The following CNBD2 variants were observed in gnomAD, a reference collection of about 807,000 sequenced individuals.
CNBD2 encodes the protein cyclic nucleotide binding domain containing 2.
CNBD2 carries 64 observed loss-of-function variants against 63.7 expected under a neutral mutation model. The observed-to-expected ratio is 1.00, with a 90% CI of 0.82 to 1.24. The LOEUF (loss-of-function observed/expected upper bound fraction) is 1.24. CNBD2 is among the 50% of genes most tolerant of loss of function. The pLI is 0.00. For missense variants in CNBD2, 691 were observed against 713.5 expected (o/e 0.97, Z 0.36); for synonymous variants, 229 against 255.4 (o/e 0.90, Z 0.99).
chr20:35,981,447 T>A (rs186500579), intron 4 of CNBD2, among the ~76,000 whole-genome samples: 1 of 152,238 alleles, frequency 6.6e-6, no homozygotes, highest in East Asian at 1.9e-4. Context: ...TTATTATTAT[T>A]ATTTTTTGAG....
At chr20:35,990,913 T>C (rs2056737976) in intron 7 of CNBD2, among the ~76,000 whole-genome samples, 1 of 152,206 alleles carries the variant, frequency 6.6e-6, no homozygotes, top group Non-Finnish European at 1.5e-5. Flanking sequence ...ATCATGCCAC[T>C]GCTCTCCAGC....
At chr20:35,962,893 T>G (rs2056319244) in intron 2 of CNBD2, among the ~76,000 whole-genome samples, 1 of 152,210 alleles carries the variant, frequency 6.6e-6, no homozygotes, top group African/African-American at 2.4e-5. Context: ...TTACAATAAT[T>G]TGGTAGTTTT....
upstream of CNBD2, chr20:35,968,582 T>C (rs2056367392): frequency 7.6e-6 from 4 of 528,128 alleles, no homozygotes; most frequent in Non-Finnish European, 1.0e-5. Context: ...CTGAGAATGA[T>C]TTTTCTCAGA....
At chr20:35,996,358 G>A (rs540886406) in intron 8 of CNBD2, among the ~76,000 whole-genome samples, 1 of 151,772 alleles carries the variant, frequency 6.6e-6, no homozygotes, top group South Asian at 2.1e-4. Flanking sequence ...ATCCTAGGCT[G>A]TGAATGTATG....
upstream of CNBD2, among the ~76,000 whole-genome samples, chr20:35,964,924 A>G (rs2056334049): frequency 6.6e-6 from 1 of 151,772 alleles, no homozygotes; most frequent in African/African-American, 2.4e-5. Flanking sequence ...GATGATCTCA[A>G]TCTCTTGACC....
At chr20:35,970,846 G>C (rs2056403420) in intron 1 of CNBD2, among the ~76,000 whole-genome samples, 2 of 152,240 alleles carry the variant, frequency 1.3e-5, no homozygotes, top group South Asian at 4.1e-4. Flanking sequence ...CTCCCGAGTA[G>C]CTGGGACTAC....
chr20:35,982,736 T>C (rs2056613926), intron 4 of CNBD2, among the ~76,000 whole-genome samples: 1 of 152,120 alleles, frequency 6.6e-6, no homozygotes, highest in Non-Finnish European at 1.5e-5. Flanking sequence ...AATTTTTTTT[T>C]TTTTGAGACA....
chr20:36,020,306 C>T (rs573971934), intron 10 of CNBD2, among the ~76,000 whole-genome samples: 3 of 152,116 alleles, frequency 2.0e-5, no homozygotes, highest in Non-Finnish European at 4.4e-5. Flanking sequence ...TGGTCTCGAT[C>T]TCCTGACCTC....
chr20:36,011,066 G>A, intron 9 of CNBD2, 71 bp from the exon 10 acceptor site: 5 of 1,372,370 alleles, frequency 3.6e-6, no homozygotes, highest in Non-Finnish European at 3.8e-6. Flanking sequence ...GAAGAGTGAG[G>A]GCTGATTAGC....
chr20:36,030,445 C>T lies in CNBD2; in HGVS notation c.1528C>T (p.Gln510Ter), dbSNP rs776019136. The change falls in exon 12 of 12, where the codon CAA becomes TAA. Residue 510 changes from glutamine (Q) to a stop codon, truncating the protein, a stop_gained. Transcript: ENST00000373973. LOFTEE classifies it low-confidence loss of function (END_TRUNC). ...GTTGCAGCTGCTCGTGGAGCCTTGC[C>T]AAAGTCAACTGTTCACTCCAAACCG... ...DLLQLLVEPC[Q>*]SQLFTPNRPK... is the part of the protein sequence containing the mutation. The T allele has an allele frequency of 1.9e-6, 3 of 1,614,078 alleles. No homozygotes were observed. Among genetic ancestry groups the T allele is most frequent in the Non-Finnish European group, 2.5e-6 (3 of 1,180,028 alleles).
chr20:35,972,464 A>G (rs2147201911), intron 1 of CNBD2, among the ~76,000 whole-genome samples, 165 bp from the exon 2 acceptor site: 1 of 152,326 alleles, frequency 6.6e-6, no homozygotes, highest in East Asian at 1.9e-4. Context: ...ACTTAATTTC[A>G]GCAGGCTTGC....
Position 36,030,506 on chromosome 20 carries a change from T to TG in CNBD2, c.1591dup (p.Val531GlyfsTer12). On this transcript the variant is annotated frameshift_variant, in exon 12 of 12. Transcript: ENST00000373973. LOFTEE classifies it low-confidence loss of function (END_TRUNC). ...AGAGAGATCTACAACCCTAAGTCTG[T>TG]GGTCCTGGATTTGTGCAGCATCAAC... The TG allele has an allele frequency of 1.9e-6, 3 of 1,614,154 alleles. No homozygotes were observed. Among genetic ancestry groups the TG allele is most frequent in the South Asian group, 2.2e-5 (2 of 91,076 alleles).
At chr20:35,961,851 G>A (rs1057311498) in intron 2 of CNBD2, among the ~76,000 whole-genome samples, 2 of 152,098 alleles carry the variant, frequency 1.3e-5, no homozygotes, top group Non-Finnish European at 2.9e-5. Flanking sequence ...GCAGCTGTAG[G>A]GCTATAAAAA....
intron 8 of CNBD2, among the ~76,000 whole-genome samples, chr20:36,002,691 G>A (rs2056930872): frequency 6.6e-6 from 1 of 152,124 alleles, no homozygotes; most frequent in Admixed American, 6.6e-5. Context: ...TTTATCAATA[G>A]TTTTAAGCAA....
upstream of CNBD2, among the ~76,000 whole-genome samples, chr20:35,967,063 C>T (rs148144818): frequency 1.6e-3 from 249 of 152,180 alleles, no homozygotes; most frequent in African/African-American, 5.8e-3. Flanking sequence ...GTATGCCTGC[C>T]AGGAAACTCT....
chr20:36,008,560 G>A lies in CNBD2; in HGVS notation c.1148+86G>A, dbSNP rs1043946858. On this transcript the variant is annotated intron_variant, in intron 9 of 11. Transcript: ENST00000373973. ...TTATATGGCAGAATGTCAGGGATGC[G>A]GATAAGGGGCAAAGGTGGAGGACAC... 25 of 1,320,004 alleles carry A rather than the reference G, an allele frequency of 1.9e-5. No homozygotes were observed. The South Asian group carries it at 2.7e-4, about 14-fold the overall frequency. The allele number at this position is 1,320,004 out of a possible 1,614,324, so 81.8% of individuals were successfully genotyped here.
rs781366469 is a variant in CNBD2 at position 35,995,108 on chromosome 20, A to T, written c.926A>T (p.His309Leu). Residue 309 changes from histidine (H) to leucine (L), a missense_variant, in exon 8 of 12, where the codon CAC (histidine) becomes CTC (leucine). By Grantham distance (99) the His-to-Leu change is moderately conservative. Transcript: ENST00000373973. ...TCCTACCGTAGATGGATCTGGCAGC[A>T]CCTGGAGCTGATAGATGGCAGACCT... Reference protein sequence around the residue: ...SPSYRRWIWQHLELIDGRPLK... With the variant: ...SPSYRRWIWQLLELIDGRPLK... The T allele has an allele frequency of 6.7e-5, 108 of 1,613,936 alleles. No homozygotes were observed. Among genetic ancestry groups the T allele is most frequent in the Non-Finnish European group, 8.0e-5 (94 of 1,179,952 alleles).
At chr20:35,975,202 C>T (rs1397534491) in intron 2 of CNBD2, among the ~76,000 whole-genome samples, 5 of 135,282 alleles carry the variant, frequency 3.7e-5, no homozygotes, top group Admixed American at 7.3e-5. Flanking sequence ...GGGGTTTCAC[C>T]TTGTTAGCCA....
chr20:35,971,623 T>C (rs890119225), intron 1 of CNBD2, among the ~76,000 whole-genome samples: 3 of 151,834 alleles, frequency 2.0e-5, no homozygotes, highest in Admixed American at 6.6e-5. Context: ...ACTGTGTTGG[T>C]CAGGCTGGTC....
Sources: gnomAD v4.1 joint callset for allele counts (sites outside exome capture counted in the v4.1 genomes callset) on GRCh38, gnomAD v4.1.1 for gene constraint, MANE v1.5 for transcripts, NCBI Gene and HGNC (gene_info 2026-07-23, HGNC 2026-07-21) for gene names.